Variants in COBLL1 observed in about 807,000 individuals in gnomAD.
COBLL1 encodes cordon-bleu WH2 repeat protein like 1, also known as cordon-bleu protein-like 1.
COBLL1 carries 50 observed loss-of-function variants against 94.8 expected under a neutral mutation model. The ratio of observed to expected loss-of-function variants is 0.53; its 90% CI spans 0.42 to 0.67. The LOEUF is 0.67. Among genes scored for constraint, COBLL1 ranks in the 30% least tolerant of loss-of-function variants. The pLI is 0.00. For synonymous variants in COBLL1, 448 were observed against 473.8 expected, an observed-to-expected ratio of 0.95 and a Z score of 0.71; for missense variants, 1,362 against 1,348.7, an observed-to-expected ratio of 1.01 and a Z score of -0.15.
At chr2:164,700,820 G>A (rs1308980779) in intron 9 of COBLL1, 64 bp from the exon 10 acceptor site, 3 of 961,362 alleles carry the variant, frequency 3.1e-6, no homozygotes, top group East Asian at 2.4e-5. Context: ...TGCAATTCTG[G>A]CAAGGAAGGA....
At chr2:164,800,550 C>T (rs115732491) in intron 2 of COBLL1, 1 of 702,304 alleles carries the variant, frequency 1.4e-6, no homozygotes, top group East Asian at 2.7e-5. Context: ...CCAGCAATCT[C>T]TCTCCTAGGC....
intron 3 of COBLL1, among the ~76,000 whole-genome samples, chr2:164,738,564 C>T (rs1252774282): frequency 6.6e-6 from 1 of 151,060 alleles, no homozygotes; most frequent in Non-Finnish European, 1.5e-5. Context: ...AGTTCTGTAA[C>T]AGTAGTCCTT....
At chr2:164,690,185 G>C (rs778580062) in intron 13 of COBLL1, among the ~76,000 whole-genome samples, 3 of 151,998 alleles carry the variant, frequency 2.0e-5, no homozygotes, top group Admixed American at 1.3e-4. Flanking sequence ...TTTAGGGTAC[G>C]TAACTAGAAG....
Position 164,753,450 on chromosome 2 carries a change from C to CAA in COBLL1, c.42-9577_42-9576dup, listed in dbSNP as rs34843887. 1.6e-3 allele frequency among the ~76,000 whole-genome samples: 241 copies of CAA among 146,322 alleles called. 4 individuals carry two copies. The highest frequency in any genetic ancestry group is 1.4e-3 in the Admixed American group (20 of 14,604). ...AATCTCTCTCTCCAAGGTGCACAAA[C>CAA]AAAAAAAAAAAATGCAGAGATTTCT... On this transcript the variant is annotated intron_variant, in intron 2 of 13. Transcript: ENST00000652658.
At chr2:164,751,808 G>C (rs1255101573) in intron 2 of COBLL1, among the ~76,000 whole-genome samples, 3 of 152,050 alleles carry the variant, frequency 2.0e-5, no homozygotes, top group Non-Finnish European at 4.4e-5. Flanking sequence ...TTCCTATTTG[G>C]GGAAGGGATT....
At chr2:164,734,940 A>G (rs1686217968) in intron 3 of COBLL1, among the ~76,000 whole-genome samples, 1 of 152,230 alleles carries the variant, frequency 6.6e-6, no homozygotes, top group Admixed American at 6.5e-5. Flanking sequence ...GCATAAAGTC[A>G]GAGCCAGAGG....
intron 2 of COBLL1, 151 bp from the exon 3 acceptor site, chr2:164,744,026 G>T (rs148360339): frequency 1.9e-4 from 108 of 555,932 alleles, no homozygotes; most frequent in Non-Finnish European, 1.2e-4. Flanking sequence ...TTGGATGGTC[G>T]AATTAGGATT....
At position 164,683,891 on chromosome 2, in the gene COBLL1, CTG is replaced by C. The variant is rs932433979; in HGVS notation, c.*2053_*2054del. ...GAGCACGGGTTAGGACCCCTTTCTG[CTG>C]TTTTACACAAGGCTGCCGTGAACAT... On this transcript the variant is annotated 3_prime_UTR_variant, in exon 14 of 14. Transcript: ENST00000652658. 1.4e-4 allele frequency: 22 copies of C among 152,246 alleles called. No individual in the cohort carries two copies. The highest frequency in any genetic ancestry group is 4.8e-4 in the African/African-American group (20 of 41,554). The allele number at this position is 152,246 out of a possible 1,614,324, so 9.4% of individuals were successfully genotyped here.
intron 2 of COBLL1, among the ~76,000 whole-genome samples, chr2:164,803,490 G>A (rs1221580077): frequency 6.6e-6 from 1 of 150,908 alleles, no homozygotes; most frequent in Non-Finnish European, 1.5e-5. Flanking sequence ...GCGTGAACCC[G>A]GGAGGCGGAG....
In COBLL1 at chr2:164,692,226, T is replaced by G; in HGVS notation, c.3295A>C (p.Lys1099Gln). The G allele has an allele frequency of 6.3e-7, 1 of 1,599,688 alleles. No individual in the cohort carries two copies. Among genetic ancestry groups the G allele is most frequent in the East Asian group, 2.3e-5 (1 of 44,376 alleles). The change falls in exon 13 of 14, where the codon AAA (lysine) becomes CAA (glutamine). Residue 1099 changes from lysine (K) to glutamine (Q), a missense_variant. Lys to Gln is a moderately conservative substitution (Grantham distance 53, BLOSUM62 1). Transcript: ENST00000652658. ...ATCTGATAAAGAAGACTTACCCTTTTCAATTTGGCAGCAGCCTCTCCCGAA... is the reference window on the plus strand; with the variant it reads ...ATCTGATAAAGAAGACTTACCCTTTGCAATTTGGCAGCAGCCTCTCCCGAA... ...IRSGEAAAKL[K>Q]RVTIPSNTIS...
chr2:164,754,502 C>A (rs1219304698), intron 2 of COBLL1, among the ~76,000 whole-genome samples: 1 of 152,208 alleles, frequency 6.6e-6, no homozygotes, highest in Non-Finnish European at 1.5e-5. Flanking sequence ...CCAATAGTCA[C>A]AAGAGTGAGC....
In COBLL1 at chr2:164,694,663, G is replaced by C. The variant is rs936842241; in HGVS notation, c.2729C>G (p.Pro910Arg). Residue 910 changes from proline to arginine, a missense_variant, in exon 12 of 14, where the codon CCT (proline) becomes CGT (arginine). Coordinates refer to ENST00000652658, the MANE Select transcript of COBLL1 (RefSeq NM_001365672.2). ...GGGAGAAAGAGTCTGCTCCGGAGAA[G>C]GCAGCATATCCCTTTCTGCCTCTTT... Reference protein sequence around the residue: ...TNKEAERDMLPSPEQTLSPLS... With the variant: ...TNKEAERDMLRSPEQTLSPLS... 1.4e-5 allele frequency: 23 copies of C among 1,613,682 alleles called. No homozygotes were observed. Among genetic ancestry groups the C allele is most frequent in the Non-Finnish European group, 1.9e-5 (23 of 1,179,942 alleles).
intron 4 of COBLL1, 56 bp downstream of exon 4, chr2:164,729,858 A>G: frequency 7.0e-7 from 1 of 1,433,644 alleles, no homozygotes; most frequent in Non-Finnish European, 9.8e-7. Flanking sequence ...TTTCACTTAC[A>G]ATGAGCTGCT....
intron 2 of COBLL1, among the ~76,000 whole-genome samples, chr2:164,811,820 G>A (rs896310611): frequency 6.6e-6 from 1 of 151,908 alleles, no homozygotes; most frequent in African/African-American, 2.4e-5. Flanking sequence ...AGAAAAAAAA[G>A]TTTTTATATT....
chr2:164,689,102 T>A (rs1288471937), intron 13 of COBLL1, among the ~76,000 whole-genome samples: 1 of 152,094 alleles, frequency 6.6e-6, no homozygotes, highest in Non-Finnish European at 1.5e-5. Flanking sequence ...AAAAGACTAA[T>A]CTCTGTGACT....
chr2:164,719,047 C>T (rs946085642), intron 7 of COBLL1, among the ~76,000 whole-genome samples: 1 of 151,878 alleles, frequency 6.6e-6, no homozygotes, highest in Non-Finnish European at 1.5e-5. Flanking sequence ...AATACAAATG[C>T]AGCAGCTTGC....
intron 2 of COBLL1, among the ~76,000 whole-genome samples, chr2:164,806,172 CCAA>C (rs1425790605): frequency 6.6e-6 from 1 of 151,940 alleles, no homozygotes; most frequent in Non-Finnish European, 1.5e-5. Flanking sequence ...AAAAAAAACT[CCAA>C]CGTCACTCCT....
At chr2:164,787,532 A>AT (rs1013181417) in intron 2 of COBLL1, among the ~76,000 whole-genome samples, 2 of 152,042 alleles carry the variant, frequency 1.3e-5, no homozygotes, top group African/African-American at 2.4e-5. Context: ...AATATATACA[A>AT]TTTTTTTTGG....
At chr2:164,711,238 A>G (rs966378747) in intron 7 of COBLL1, among the ~76,000 whole-genome samples, 3 of 152,236 alleles carry the variant, frequency 2.0e-5, no homozygotes, top group Admixed American at 6.5e-5. Flanking sequence ...AGCATACAAT[A>G]CATGCTTCAT....
Sources: gnomAD v4.1 joint callset for allele counts (sites outside exome capture counted in the v4.1 genomes callset) on GRCh38, gnomAD v4.1.1 for gene constraint, MANE v1.5 for transcripts, NCBI Gene and HGNC (gene_info 2026-07-23, HGNC 2026-07-21) for gene names.